The following PLXNA1 variants were observed in gnomAD, a reference collection of about 807,000 sequenced individuals.
The protein encoded by PLXNA1 is plexin-A1.
In PLXNA1, 77 loss-of-function variants were observed where a neutral mutation model predicts 191.7. The ratio of observed to expected loss-of-function variants is 0.40; its 90% CI spans 0.33 to 0.49. The LOEUF (loss-of-function observed/expected upper bound fraction) is 0.49, where lower values mean the gene tolerates loss of function less well. Among genes scored for constraint, PLXNA1 ranks in the 20% least tolerant of loss-of-function variants. The pLI is 0.63. For missense variants in PLXNA1, 2,110 were observed against 2,660.2 expected, an observed-to-expected ratio of 0.79 and a Z score of 4.55; for synonymous variants, 1,137 against 1,156.4, an observed-to-expected ratio of 0.98 and a Z score of 0.34.
At chr3:127,017,083 T>G in intron 17 of PLXNA1, 46 bp downstream of exon 17, 2 of 1,512,734 alleles carry the variant, frequency 1.3e-6, no homozygotes, top group Non-Finnish European at 1.8e-6. Flanking sequence ...GGCCTTCACC[T>G]GGGATGGGGC....
chr3:127,016,676 C>T lies in PLXNA1; in HGVS notation c.3174C>T (p.Ser1058=). Residue 1058 remains serine (S), a synonymous_variant, in exon 16 of 32, where the codon AGC becomes AGT. Transcript: ENST00000393409. ...PTILRIDPEW[S]INSGGTLLTV... is the part of the protein sequence containing the mutation. ...TCCTGAGGATCGACCCCGAGTGGAGCATCAACAGGTGGGGCCCAGCAACAC... is the reference window on the plus strand; with the variant it reads ...TCCTGAGGATCGACCCCGAGTGGAGTATCAACAGGTGGGGCCCAGCAACAC... 6.2e-7 allele frequency: 1 copy of T among 1,613,976 alleles called. No homozygotes were observed. The highest frequency in any genetic ancestry group is 8.5e-7 in the Non-Finnish European group (1 of 1,179,942).
At chr3:127,010,704 G>A (rs1264798395) in intron 9 of PLXNA1, among the ~76,000 whole-genome samples, 1 of 152,188 alleles carries the variant, frequency 6.6e-6, no homozygotes, top group African/African-American at 2.4e-5. Flanking sequence ...GGGTTCTGGG[G>A]GTGGGCCATG....
chr3:127,012,218 G>A lies in PLXNA1; in HGVS notation c.2313+60G>A, dbSNP rs535860934. The A allele has an allele frequency of 1.3e-5, 20 of 1,545,202 alleles. 1 individual carries two copies. The highest frequency in any genetic ancestry group is 4.6e-5 in the East Asian group (2 of 43,156). ...GCCGGAATGGGCCGGTTATCCTCAC[G>A]GCCCTGGGTCCTGGCGTGTGCTTGT... On this transcript the variant is annotated intron_variant, in intron 10 of 31. Coordinates refer to ENST00000393409, the MANE Select transcript of PLXNA1 (RefSeq NM_032242.4).
At chr3:126,993,381 G>A (rs1307188326) in intron 3 of PLXNA1, among the ~76,000 whole-genome samples, 1 of 152,190 alleles carries the variant, frequency 6.6e-6, no homozygotes, top group Non-Finnish European at 1.5e-5. Context: ...AGGCAGGTAT[G>A]GGTGGAGCCT....
chr3:127,027,860 C>G (rs1377945006), intron 23 of PLXNA1, 80 bp from the exon 24 acceptor site: 2 of 1,580,932 alleles, frequency 1.3e-6, no homozygotes, highest in Admixed American at 1.7e-5. Context: ...AACACCATGG[C>G]TGGCACTCGA....
At position 127,016,537 on chromosome 3, in the gene PLXNA1, G is replaced by A. The variant is rs780772556; in HGVS notation, c.3035G>A (p.Arg1012Gln). The change falls in exon 16 of 32, where the codon CGG becomes CAG. Residue 1012 changes from arginine (R) to glutamine (Q), a missense_variant. Physicochemically the swap from Arg to Gln is conservative, Grantham distance 43. Coordinates refer to ENST00000393409, the MANE Select transcript of PLXNA1 (RefSeq NM_032242.4). The part of the protein sequence containing the change: ...SFSWRNSREI[R>Q]CLTPPGQSPG... ...TCCAGGAGGAACTCCCGTGAGATCC[G>A]GTGCCTGACACCCCCCGGGCAGAGC... The A allele has an allele frequency of 2.0e-5, 32 of 1,613,596 alleles. No homozygotes were observed. The highest frequency in any genetic ancestry group is 2.7e-5 in the African/African-American group (2 of 74,882).
intron 3 of PLXNA1, 131 bp from the exon 4 acceptor site, chr3:127,003,199 G>T: frequency 4.8e-6 from 5 of 1,032,998 alleles, no homozygotes; most frequent in Admixed American, 2.7e-5. Context: ...TATGGCTGGC[G>T]CTGGTCCTCT....
intron 3 of PLXNA1, among the ~76,000 whole-genome samples, chr3:127,002,373 G>T (rs1031509659): frequency 6.6e-6 from 1 of 152,230 alleles, no homozygotes; most frequent in Non-Finnish European, 1.5e-5. Context: ...GAAACACAGC[G>T]CCCCACCCTG....
In PLXNA1 at chr3:126,989,568, C is replaced by T. The variant is rs773936165; in HGVS notation, c.975C>T (p.Ala325=). Residue 325 remains alanine (A), a synonymous_variant, in exon 2 of 32, where the codon GCC becomes GCT. Coordinates refer to ENST00000393409, the MANE Select transcript of PLXNA1 (RefSeq NM_032242.4). The part of the protein sequence containing the change: ...AYLSRPGRAL[A]HQLGLAEDED... ...TGAGCCGGCCCGGCCGTGCCCTGGC[C>T]CACCAGCTGGGCCTGGCTGAGGACG... 1.2e-6 allele frequency: 2 copies of T among 1,613,212 alleles called. No homozygotes were observed. The highest frequency in any genetic ancestry group is 1.7e-5 in the Admixed American group (1 of 60,026).
chr3:127,031,490 TC>T (rs1490977160), intron 29 of PLXNA1, among the ~76,000 whole-genome samples: 2 of 152,044 alleles, frequency 1.3e-5, no homozygotes, highest in Admixed American at 6.5e-5. Flanking sequence ...TGCTGGGGTC[TC>T]CCCCCAGTTC....
At chr3:126,996,379 C>A (rs1330813656) in intron 3 of PLXNA1, among the ~76,000 whole-genome samples, 1 of 152,200 alleles carries the variant, frequency 6.6e-6, no homozygotes, top group Non-Finnish European at 1.5e-5. Flanking sequence ...TTTGCACTCC[C>A]CTCATACCCC....
At position 127,029,920 on chromosome 3, in the gene PLXNA1, C is replaced by T. The variant is rs1374921081; in HGVS notation, c.4917C>T (p.Arg1639=). The T allele has an allele frequency of 3.7e-6, 6 of 1,613,136 alleles. No individual in the cohort carries two copies. The highest frequency in any genetic ancestry group is 4.2e-6 in the Non-Finnish European group (5 of 1,179,826). ...TASSPDSLRS[R]TPMITPDLES... ...GCAGCCCCGACAGCCTGCGCTCGCG[C>T]ACGCCCATGATCACGCCCGACCTGG... The change falls in exon 28 of 32, where the codon CGC becomes CGT. Residue 1639 remains arginine (R), a synonymous_variant. Transcript: ENST00000393409.
At chr3:127,001,087 C>T (rs1365239381) in intron 3 of PLXNA1, among the ~76,000 whole-genome samples, 2 of 152,118 alleles carry the variant, frequency 1.3e-5, no homozygotes, top group African/African-American at 2.4e-5. Flanking sequence ...CTGGGTGGAG[C>T]GGGGCGTTCT....
intron 15 of PLXNA1, among the ~76,000 whole-genome samples, chr3:127,016,068 C>T (rs1045890911): frequency 2.0e-5 from 3 of 152,088 alleles, no homozygotes; most frequent in African/African-American, 4.8e-5. Flanking sequence ...CAGGGAAGGT[C>T]GCGCCAGGGC....
intron 22 of PLXNA1, 58 bp from the exon 23 acceptor site, chr3:127,022,694 C>T: frequency 6.7e-7 from 1 of 1,481,740 alleles, no homozygotes; most frequent in South Asian, 1.1e-5. Flanking sequence ...CTGCAGGGGC[C>T]CTGTGCCTGC....
chr3:126,992,720 G>T (rs1256941114), intron 3 of PLXNA1, among the ~76,000 whole-genome samples: 1 of 152,064 alleles, frequency 6.6e-6, no homozygotes, highest in Admixed American at 6.5e-5. Flanking sequence ...GGGTCCTGCT[G>T]GTTCTGCTCA....
Position 127,014,717 on chromosome 3 carries a change from C to T in PLXNA1, c.2763C>T (p.Val921=). The T allele has an allele frequency of 6.2e-7, 1 of 1,611,556 alleles. No homozygotes were observed. Among genetic ancestry groups the T allele is most frequent in the Non-Finnish European group, 8.5e-7 (1 of 1,179,604 alleles). ...GAGGCCCGCCTGCCCACAGGATCGT[C>T]TGTGAGATCGGGGACGCCAGCTCCG... is the stretch of plus-strand genomic sequence containing the variant. ...ESEYISAEQI[V]CEIGDASSVR... Residue 921 remains valine, a synonymous_variant, in exon 14 of 32, where the codon GTC becomes GTT. Coordinates refer to ENST00000393409, the MANE Select transcript of PLXNA1 (RefSeq NM_032242.4).
chr3:127,020,445 G>C, intron 21 of PLXNA1, 101 bp downstream of exon 21: 1 of 1,443,618 alleles, frequency 6.9e-7, no homozygotes, highest in East Asian at 2.3e-5. Flanking sequence ...GGGGCAGCCT[G>C]TGTGGCCTGG....
At chr3:127,022,963 G>A (rs2079159151) in intron 23 of PLXNA1, 145 bp downstream of exon 23, 4 of 723,308 alleles carry the variant, frequency 5.5e-6, no homozygotes, top group Admixed American at 4.4e-5. Flanking sequence ...CAAGGCCCCT[G>A]GGCATGCAGC....
Sources: gnomAD v4.1 joint callset for allele counts (sites outside exome capture counted in the v4.1 genomes callset) on GRCh38, gnomAD v4.1.1 for gene constraint, MANE v1.5 for transcripts, NCBI Gene and HGNC (gene_info 2026-07-23, HGNC 2026-07-21) for gene names.